The following DISC1 variants were observed in gnomAD, a reference collection of about 807,000 sequenced individuals.
DISC1 encodes DISC1 scaffold protein, also known as disrupted in schizophrenia 1 protein.
In DISC1, 57 loss-of-function variants were observed where a neutral mutation model predicts 84.5. The ratio of observed to expected loss-of-function variants is 0.67; its 90% confidence interval spans 0.55 to 0.84. The LOEUF is 0.84. DISC1 is among the 40% of genes least tolerant of loss of function. DISC1 has a pLI of 0.00. For synonymous variants in DISC1, 411 were observed against 415.2 expected (o/e 0.99, Z 0.12); for missense variants, 1,000 against 1,057.8 (o/e 0.95, Z 0.76).
intron 10 of DISC1, among the ~76,000 whole-genome samples, chr1:231,981,558 G>A (rs1360559664): frequency 6.6e-6 from 1 of 152,174 alleles, no homozygotes; most frequent in East Asian, 1.9e-4. Flanking sequence ...GAGAATGATG[G>A]AGCTTACATA....
intron 8 of DISC1, among the ~76,000 whole-genome samples, chr1:231,809,523 T>TTTAA (rs1491410470): frequency 1.3e-4 from 10 of 78,102 alleles, no homozygotes; most frequent in African/African-American, 2.8e-4. Flanking sequence ...CTTTTTTTTT[T>TTTAA]GAAAAAAAAA....
chr1:231,704,830 T>C, intron 3 of DISC1, among the ~76,000 whole-genome samples: 1 of 148,676 alleles, frequency 6.7e-6, no homozygotes, highest in Non-Finnish European at 1.5e-5. Flanking sequence ...GGAGACTCCA[T>C]TTCTAATGAT....
At chr1:231,968,840 A>G (rs1055907179) in intron 10 of DISC1, among the ~76,000 whole-genome samples, 7 of 152,134 alleles carry the variant, frequency 4.6e-5, no homozygotes, top group African/African-American at 7.2e-5. Flanking sequence ...TCTAGATTCA[A>G]GGGTGGCCAT....
chr1:231,939,306 G>A (rs1002681880), intron 9 of DISC1, among the ~76,000 whole-genome samples: 16 of 152,202 alleles, frequency 1.1e-4, no homozygotes, highest in Admixed American at 7.9e-4. Flanking sequence ...CTGGCATGTA[G>A]TAGTTGCTCA....
At chr1:232,022,834 T>C (rs1669093634) in intron 11 of DISC1, among the ~76,000 whole-genome samples, 2 of 152,278 alleles carry the variant, frequency 1.3e-5, no homozygotes, top group South Asian at 4.1e-4. Flanking sequence ...TTCAGTATCC[T>C]CTCAGTTCAG....
chr1:231,779,883 C>A (rs2077268263), intron 6 of DISC1, among the ~76,000 whole-genome samples: 1 of 152,060 alleles, frequency 6.6e-6, no homozygotes, highest in Admixed American at 6.6e-5. Context: ...TGTGTAAATT[C>A]CTGTCTTACC....
intron 6 of DISC1, among the ~76,000 whole-genome samples, chr1:231,781,160 T>TAAAAAAA (rs56779223): frequency 8.5e-6 from 1 of 117,912 alleles, no homozygotes; most frequent in Admixed American, 9.3e-5. Context: ...AAAGTATAAT[T>TAAAAAAA]AAAAAAAAAA....
At chr1:231,816,957 CCTT>C (rs1418995032) in intron 8 of DISC1, among the ~76,000 whole-genome samples, 4 of 151,944 alleles carry the variant, frequency 2.6e-5, no homozygotes, top group African/African-American at 4.8e-5. Flanking sequence ...TCCTCCTCCT[CCTT>C]CTTCTTCTTT....
At chr1:232,012,042 A>T (rs761093371) in intron 11 of DISC1, among the ~76,000 whole-genome samples, 6 of 152,352 alleles carry the variant, frequency 3.9e-5, no homozygotes, top group Non-Finnish European at 8.8e-5. Context: ...AGGATGCATC[A>T]CGAAGTGAGA....
At chr1:232,008,362 A>C (rs1284780807) in intron 10 of DISC1, among the ~76,000 whole-genome samples, 1 of 152,242 alleles carries the variant, frequency 6.6e-6, no homozygotes, top group Admixed American at 6.5e-5. Context: ...TTCTGAAGAT[A>C]ATATGATTTA....
At chr1:231,850,119 C>T (rs2083784914) in intron 9 of DISC1, among the ~76,000 whole-genome samples, 1 of 152,198 alleles carries the variant, frequency 6.6e-6, no homozygotes, top group Non-Finnish European at 1.5e-5. Flanking sequence ...TGGGCCCCAC[C>T]TACGGAGAAC....
chr1:231,655,267 G>C (rs770420490), intron 1 of DISC1, among the ~76,000 whole-genome samples: 2 of 152,064 alleles, frequency 1.3e-5, no homozygotes, highest in African/African-American at 2.4e-5. Context: ...CCTATTCTGA[G>C]TCTCTAAAGT....
intron 6 of DISC1, among the ~76,000 whole-genome samples, chr1:231,787,686 G>A (rs150064033): frequency 1.4e-3 from 218 of 152,312 alleles, no homozygotes; most frequent in African/African-American, 5.0e-3. Context: ...TGAGAAAGAT[G>A]AGCAAGATGC....
At chr1:231,673,343 C>T (rs2062809807) in intron 1 of DISC1, among the ~76,000 whole-genome samples, 1 of 151,912 alleles carries the variant, frequency 6.6e-6, no homozygotes, top group South Asian at 2.1e-4. Context: ...AAACTGGGGT[C>T]TCTCTCTGTT....
At position 231,693,995 on chromosome 1, in the gene DISC1, G is replaced by A. The variant is rs773046625; in HGVS notation, c.237G>A (p.Ser79=). Residue 79 remains serine, a synonymous_variant, in exon 2 of 13, where the codon TCG becomes TCA. Transcript: ENST00000439617. The stretch of plus-strand genomic sequence containing the variant: ...TGTCTGGCGAGGAGTCCCACCACTC[G>A]GAGTCCAGGGCCAGACAGTGTGGCC... ...GGVSGEESHH[S]ESRARQCGLD... is the part of the protein sequence containing the mutation. 45 of 1,613,930 alleles carry A rather than the reference G, an allele frequency of 2.8e-5. No individual in the cohort carries two copies. Among genetic ancestry groups the A allele is most frequent in the Non-Finnish European group, 3.5e-5 (41 of 1,179,968 alleles).
intron 9 of DISC1, among the ~76,000 whole-genome samples, chr1:231,886,936 A>T (rs1349050681): frequency 6.9e-6 from 1 of 144,890 alleles, no homozygotes; most frequent in Non-Finnish European, 1.5e-5. Context: ...ATCTCAGCTC[A>T]CTGTAAGCTC....
chr1:231,920,764 C>T lies in DISC1; in HGVS notation c.1982-38064C>T, dbSNP rs891993236. The stretch of plus-strand genomic sequence containing the variant: ...GAATAATTTTTTAGTGTAAATATGT[C>T]CCATGTAATTTTAGTACATACTTTT... On this transcript the variant is annotated intron_variant, in intron 9 of 12. Coordinates refer to ENST00000439617, the MANE Select transcript of DISC1 (RefSeq NM_018662.3). Among the ~76,000 whole-genome samples the T allele has an allele frequency of 2.6e-5, 4 of 152,086 alleles. No homozygotes were observed. In the East Asian group the frequency reaches 7.7e-4, roughly 29 times the overall value.
At chr1:231,657,096 T>TA (rs1476755524) in intron 1 of DISC1, among the ~76,000 whole-genome samples, 1 of 152,226 alleles carries the variant, frequency 6.6e-6, no homozygotes, top group African/African-American at 2.4e-5. Context: ...GCAATGAACA[T>TA]ACACATGCAT....
At chr1:231,912,130 G>A (rs1052537201) in intron 9 of DISC1, among the ~76,000 whole-genome samples, 7 of 152,092 alleles carry the variant, frequency 4.6e-5, no homozygotes, top group African/African-American at 1.7e-4. Flanking sequence ...TCCTCCTTTA[G>A]CTCGGAGAAG....
Sources: gnomAD v4.1 joint callset for allele counts (sites outside exome capture counted in the v4.1 genomes callset) on GRCh38, gnomAD v4.1.1 for gene constraint, MANE v1.5 for transcripts, NCBI Gene and HGNC (gene_info 2026-07-23, HGNC 2026-07-21) for gene names.